ARL5A: variants seen among roughly 807,000 people sequenced by gnomAD.
ARL5A encodes the protein ADP-ribosylation factor-like protein 5A.
A neutral mutation model predicts 25.9 loss-of-function variants in ARL5A; 18 were observed. The observed-to-expected ratio is 0.69, with a 90% confidence interval of 0.48 to 1.03. ARL5A has a LOEUF of 1.03. Ranked by LOEUF, ARL5A falls within the 50% of genes least tolerant of loss-of-function variation. The pLI is 0.00. For missense variants in ARL5A, 170 were observed against 211.9 expected (o/e 0.80, Z 1.23); for synonymous variants, 61 against 67.5 (o/e 0.90, Z 0.47).
chr2:151,822,337 C>T (rs1235368356), intron 1 of ARL5A, among the ~76,000 whole-genome samples: 1 of 152,136 alleles, frequency 6.6e-6, no homozygotes, highest in African/African-American at 2.4e-5. Flanking sequence ...TAATAGCTTC[C>T]TAAATCTAAG....
At chr2:151,803,720 C>T (rs1440039774) in intron 5 of ARL5A, among the ~76,000 whole-genome samples, 1 of 152,180 alleles carries the variant, frequency 6.6e-6, no homozygotes, top group Non-Finnish European at 1.5e-5. Context: ...GCACCCAGAA[C>T]GCTGTCTGAC....
chr2:151,811,122 A>T (rs1052476282), intron 4 of ARL5A, among the ~76,000 whole-genome samples: 1 of 152,054 alleles, frequency 6.6e-6, no homozygotes, highest in Non-Finnish European at 1.5e-5. Flanking sequence ...GAAAAGGTGC[A>T]TCTTGGTGGT....
At chr2:151,819,234 C>T (rs1293161570) in intron 1 of ARL5A, among the ~76,000 whole-genome samples, 8 of 152,186 alleles carry the variant, frequency 5.3e-5, no homozygotes, top group Admixed American at 5.2e-4. Flanking sequence ...CCGTAATCAG[C>T]TAAGGAGGTT....
rs150433799 is a variant in ARL5A at position 151,806,826 on chromosome 2, G to T, written c.486C>A (p.Gly162=). The change falls in exon 5 of 6, where the codon GGC becomes GGA. Residue 162 remains glycine, a synonymous_variant. Coordinates refer to ENST00000295087, the MANE Select transcript of ARL5A (RefSeq NM_012097.4). The part of the protein sequence containing the change: ...WHIQACCALT[G]EGLCQGLEWM... ...TTAAGAGGAAGATGTCTTACCCCTC[G>T]CCAGTTAGAGCACAGCATGCCTGGA... 1 of 1,601,638 alleles carries T rather than the reference G, an allele frequency of 6.2e-7. No individual in the cohort carries two copies. The highest frequency in any genetic ancestry group is 8.5e-7 in the Non-Finnish European group (1 of 1,176,828).
Position 151,813,721 on chromosome 2 carries a change from T to C in ARL5A, c.255+448A>G, listed in dbSNP as rs557941371. On this transcript the variant is annotated intron_variant, in intron 3 of 5. Transcript: ENST00000295087. Reference sequence around the variant, plus strand: ...GGGAAATAATGTGTAAATAAAAAGATATGACTATGTCTAAAATGCCTTATA... The same window carrying C: ...GGGAAATAATGTGTAAATAAAAAGACATGACTATGTCTAAAATGCCTTATA... Among the ~76,000 whole-genome samples, 6 of 152,302 alleles carry C rather than the reference T, an allele frequency of 3.9e-5. No homozygotes were observed. The East Asian group carries it at 1.2e-3, about 29-fold the overall frequency.
intron 5 of ARL5A, 102 bp downstream of exon 5, chr2:151,806,719 G>A (rs766517591): frequency 1.9e-5 from 23 of 1,237,422 alleles, no homozygotes; most frequent in Non-Finnish European, 2.5e-5. Flanking sequence ...CCCTTACGAT[G>A]TTTTATACAC....
intron 4 of ARL5A, among the ~76,000 whole-genome samples, chr2:151,808,440 T>G (rs1383463640): frequency 7.8e-6 from 1 of 128,454 alleles, no homozygotes; most frequent in East Asian, 2.0e-4. Context: ...GTATTTCTTA[T>G]TTGGTTAAAG....
intron 1 of ARL5A, 24 bp from the exon 2 acceptor site, chr2:151,815,223 ATTTT>A (rs768444143): frequency 6.4e-7 from 1 of 1,564,156 alleles, no homozygotes; most frequent in Admixed American, 2.0e-5. Flanking sequence ...AACACCAGTG[ATTTT>A]TTTTCAAAAA....
At position 151,809,775 on chromosome 2, in the gene ARL5A, T is replaced by C. The variant is rs1285931840; in HGVS notation, c.339+2582A>G. On this transcript the variant is annotated intron_variant, in intron 4 of 5. Transcript: ENST00000295087. ...GCATCTTCTATATACCATATATAGT[T>C]GTCAATTTGTTTCTTAAAACTTCAT... Among the ~76,000 whole-genome samples the C allele has an allele frequency of 5.9e-5, 9 of 152,224 alleles. No individual in the cohort carries two copies. The East Asian group carries it at 1.5e-3, about 26-fold the overall frequency.
intron 4 of ARL5A, among the ~76,000 whole-genome samples, chr2:151,809,986 G>A (rs555152503): frequency 1.3e-5 from 2 of 152,148 alleles, no homozygotes; most frequent in East Asian, 1.9e-4. Flanking sequence ...TGGAGGCTGA[G>A]GCAGGAGAAT....
Position 151,812,453 on chromosome 2 carries a change from C to T in ARL5A, c.256-13G>A. Reference sequence around the variant, plus strand: ...CAACTATTACAAACTAAAATAATTACAAAAAAATTATTAGTGATTATACAA... The same window carrying T: ...CAACTATTACAAACTAAAATAATTATAAAAAAATTATTAGTGATTATACAA... On this transcript the variant is annotated splice_polypyrimidine_tract_variant and intron_variant, in intron 3 of 5. Coordinates refer to ENST00000295087, the MANE Select transcript of ARL5A (RefSeq NM_012097.4). 6.6e-7 allele frequency: 1 copy of T among 1,517,586 alleles called. No individual in the cohort carries two copies. Among genetic ancestry groups the T allele is most frequent in the South Asian group, 1.2e-5 (1 of 80,802 alleles). The allele number at this position is 1,517,586 out of a possible 1,614,324, so 94.0% of individuals were successfully genotyped here.
intron 2 of ARL5A, 112 bp downstream of exon 2, chr2:151,815,027 T>C (rs2099831315): frequency 2.5e-6 from 2 of 806,126 alleles, no homozygotes; most frequent in Non-Finnish European, 4.0e-6. Flanking sequence ...CCTGCTTTCT[T>C]ACAGGGTAAC....
At chr2:151,816,863 T>TAATA (rs1324608976) in intron 1 of ARL5A, among the ~76,000 whole-genome samples, 1 of 152,214 alleles carries the variant, frequency 6.6e-6, no homozygotes, top group Non-Finnish European at 1.5e-5. Flanking sequence ...CAACCAATAC[T>TAATA]GCATAATAGT....
intron 4 of ARL5A, chr2:151,810,341 C>A: frequency 5.2e-6 from 1 of 193,266 alleles, no homozygotes; most frequent in Non-Finnish European, 1.1e-5. Context: ...TAAGAAACAT[C>A]CAACTAACAT....
At chr2:151,805,219 A>AG (rs980482302) in intron 5 of ARL5A, among the ~76,000 whole-genome samples, 2 of 63,682 alleles carry the variant, frequency 3.1e-5, no homozygotes, top group Non-Finnish European at 1.3e-4. Context: ...TTTAATGAAC[A>AG]GTTTTTTTTT....
intron 2 of ARL5A, among the ~76,000 whole-genome samples, chr2:151,814,841 T>C (rs1202763300): frequency 3.3e-5 from 5 of 151,994 alleles, no homozygotes; most frequent in African/African-American, 9.7e-5. Context: ...CCACCCAAAG[T>C]GTTGGGATAA....
In ARL5A at chr2:151,825,642, G is replaced by A. The variant is rs79887632; in HGVS notation, c.46+2489C>T. Among the ~76,000 whole-genome samples, 564 of 152,194 alleles carry A rather than the reference G, an allele frequency of 3.7e-3. 8 individuals are homozygous for A. The East Asian group carries it at 0.055, about 15-fold the overall frequency. ...AGCTTTAACTGAAAAAGCTGTTCTC[G>A]AGGGGTTTCAGAAACAGGAGATACT... On this transcript the variant is annotated intron_variant, in intron 1 of 5. Coordinates refer to ENST00000295087, the MANE Select transcript of ARL5A (RefSeq NM_012097.4).
intron 1 of ARL5A, among the ~76,000 whole-genome samples, chr2:151,824,268 G>A (rs1405158259): frequency 3.3e-5 from 5 of 152,148 alleles, no homozygotes; most frequent in Non-Finnish European, 5.9e-5. Context: ...AATGTTCTGA[G>A]CACGTATAAA....
intron 1 of ARL5A, among the ~76,000 whole-genome samples, chr2:151,815,659 C>G (rs1170095938): frequency 6.6e-6 from 1 of 152,082 alleles, no homozygotes; most frequent in Admixed American, 6.5e-5. Context: ...AATGGGTAAT[C>G]GTAAATTATG....
Sources: allele counts gnomAD v4.1 joint callset (sites outside exome capture counted in the v4.1 genomes callset), GRCh38; gene constraint gnomAD v4.1.1; transcripts MANE v1.5; gene names NCBI Gene and HGNC (gene_info 2026-07-23, HGNC 2026-07-21).